The following ABCC6 variants were observed in gnomAD, a reference collection of about 807,000 sequenced individuals.
ABCC6 encodes the protein ATP binding cassette subfamily C member 6, also known as ATP-binding cassette sub-family C member 6.
A neutral mutation model predicts 169.5 loss-of-function variants in ABCC6; 126 were observed. That is an observed-to-expected ratio of 0.74 (90% CI 0.64 to 0.86). The LOEUF is 0.86. Ranked by LOEUF, ABCC6 falls within the 40% of genes least tolerant of loss-of-function variation. The probability of loss-of-function intolerance (pLI) is 0.00; values close to 1 mark genes in which losing one functional copy is unlikely to be tolerated. For missense variants in ABCC6, 1,733 were observed against 1,927.2 expected (o/e 0.90, Z 1.89); for synonymous variants, 752 against 814.7 (o/e 0.92, Z 1.31).
At position 16,154,683 on chromosome 16, in the gene ABCC6, C is replaced by T. The variant is rs1338245684; in HGVS notation, c.4153G>A (p.Ala1385Thr). Residue 1385 changes from alanine to threonine, a missense_variant, in exon 29 of 31, where the codon GCC becomes ACC. Ala to Thr is a moderately conservative substitution (Grantham distance 58). Transcript: ENST00000205557. ...TACTGCAGCTGGCCGGGCAGGCTGGCCACCAAGGCTTTGAGCTGCACCGTC... is the reference window on the plus strand; with the variant it reads ...TACTGCAGCTGGCCGGGCAGGCTGGTCACCAAGGCTTTGAGCTGCACCGTC... The part of the protein sequence containing the change: ...LETVQLKALV[A>T]SLPGQLQYKC... The T allele has an allele frequency of 6.2e-7, 1 of 1,613,358 alleles. No individual in the cohort carries two copies. Among genetic ancestry groups the T allele is most frequent in the Admixed American group, 1.7e-5 (1 of 60,010 alleles).
At chr16:16,196,209 C>CAAAA (rs35287964) in intron 10 of ABCC6, among the ~76,000 whole-genome samples, 5,933 of 131,462 alleles carry the variant, frequency 0.045, 326 homozygotes, top group East Asian at 0.27. Context: ...GACTCTGTCT[C>CAAAA]AAAAAAAAAA....
At chr16:16,159,257 C>G (rs1269751369) in intron 26 of ABCC6, among the ~76,000 whole-genome samples, 3 of 152,130 alleles carry the variant, frequency 2.0e-5, no homozygotes, top group Admixed American at 6.6e-5. Context: ...ACCTGCTTTC[C>G]TCAAGCTCAG....
chr16:16,187,129 C>G lies in ABCC6; in HGVS notation c.1862G>C (p.Gly621Ala). The change falls in exon 14 of 31, where the codon GGA becomes GCA. Residue 621 changes from glycine (G) to alanine (A), a missense_variant. Transcript: ENST00000205557. The stretch of plus-strand genomic sequence containing the variant: ...CTGCCAGACTCAGCACTCACCGCTT[C>G]CAGAGGAACTTGAGTCTACGACACC... ...DPGVVDSSSS[G>A]SAAGKDCITI... The G allele has an allele frequency of 1.2e-6, 2 of 1,610,696 alleles. No homozygotes were observed. Among genetic ancestry groups the G allele is most frequent in the Non-Finnish European group, 1.7e-6 (2 of 1,178,096 alleles).
chr16:16,177,353 G>T, intron 19 of ABCC6, 99 bp downstream of exon 19: 1 of 1,390,612 alleles, frequency 7.2e-7, no homozygotes, highest in Non-Finnish European at 1.0e-6. Flanking sequence ...GACAGGGTGT[G>T]GCCAGAGCAC....
chr16:16,208,681 C>A, intron 7 of ABCC6, 47 bp downstream of exon 7: 1 of 1,613,084 alleles, frequency 6.2e-7, no homozygotes, highest in Non-Finnish European at 8.5e-7. Flanking sequence ...CAATGATGAG[C>A]TTTTCTGAAG....
intron 18 of ABCC6, among the ~76,000 whole-genome samples, chr16:16,178,246 G>T (rs1200274727): frequency 1.3e-5 from 2 of 151,962 alleles, no homozygotes; most frequent in Admixed American, 1.3e-4. Flanking sequence ...AGAATGGCGT[G>T]AACCCGGGAG....
chr16:16,179,261 C>CT (rs1300345180), intron 17 of ABCC6, among the ~76,000 whole-genome samples: 1 of 152,216 alleles, frequency 6.6e-6, no homozygotes, highest in Non-Finnish European at 1.5e-5. Context: ...GAGTCCAACT[C>CT]TTGTTTCCCT....
chr16:16,176,536 G>A (rs1230362554), intron 19 of ABCC6, among the ~76,000 whole-genome samples: 1 of 152,238 alleles, frequency 6.6e-6, no homozygotes, highest in Non-Finnish European at 1.5e-5. Flanking sequence ...AACACAAACA[G>A]GCAAGTTCTA....
At chr16:16,190,767 C>G (rs2152270586) in intron 11 of ABCC6, among the ~76,000 whole-genome samples, 1 of 150,884 alleles carries the variant, frequency 6.6e-6, no homozygotes, top group South Asian at 2.1e-4. Context: ...CTCCTGGGCT[C>G]AAGTGATCCT....
chr16:16,181,206 G>A (rs2047457391), intron 17 of ABCC6, among the ~76,000 whole-genome samples: 1 of 152,058 alleles, frequency 6.6e-6, no homozygotes, highest in African/African-American at 2.4e-5. Context: ...TACTCATGAG[G>A]CTGAGGTGGG....
chr16:16,166,054 T>C, intron 22 of ABCC6, 121 bp from the exon 23 acceptor site: 4 of 993,310 alleles, frequency 4.0e-6, no homozygotes, highest in Non-Finnish European at 4.5e-6. Flanking sequence ...GCCACCCTGA[T>C]TATTATATTT....
Position 16,165,769 on chromosome 16 carries a change from T to C in ABCC6, c.3160A>G (p.Thr1054Ala). 1 of 1,613,780 alleles carries C rather than the reference T, an allele frequency of 6.2e-7. No individual in the cohort carries two copies. Among genetic ancestry groups the C allele is most frequent in the Non-Finnish European group, 8.5e-7 (1 of 1,180,018 alleles). Residue 1054 changes from threonine (T) to alanine (A), a missense_variant, in exon 23 of 31, where the codon ACG (threonine) becomes GCG (alanine). Thr to Ala is a moderately conservative substitution (Grantham distance 58, BLOSUM62 0). This residue lies in a region of ABCC6 where 1,601 missense variants were observed against 1,635.5 expected (regional missense o/e 0.98). Coordinates refer to ENST00000205557, the MANE Select transcript of ABCC6 (RefSeq NM_001171.6). ...TTGTCTGGAATGTCCACGTCAACCGTGTCTGTCTCCTTGGAGAAGCGGTTT... is the reference window on the plus strand; with the variant it reads ...TTGTCTGGAATGTCCACGTCAACCGCGTCTGTCTCCTTGGAGAAGCGGTTT... ...LLNRFSKETD[T>A]VDVDIPDKLR...
rs1265706743 is a variant in ABCC6 at position 16,202,114 on chromosome 16, G to C, written c.1063C>G (p.Leu355Val). The C allele has an allele frequency of 6.2e-7, 1 of 1,613,834 alleles. No individual in the cohort carries two copies. The highest frequency in any genetic ancestry group is 1.3e-5 in the African/African-American group (1 of 74,896). The stretch of plus-strand genomic sequence containing the variant: ...TGCAGGCAGGCTGAGAGGAACATCA[G>C]CACGGCGAGGAGGTAGCCCTTCCAG... ...PAWKGYLLAV[L>V]MFLSACLQTL... The change falls in exon 9 of 31, where the codon CTG becomes GTG. Residue 355 changes from leucine (L) to valine (V), a missense_variant. Transcript: ENST00000205557.
At chr16:16,158,874 T>A (rs868311585) in intron 26 of ABCC6, among the ~76,000 whole-genome samples, 1 of 152,184 alleles carries the variant, frequency 6.6e-6, no homozygotes, top group South Asian at 2.1e-4. Flanking sequence ...GTTGCTGGGA[T>A]GTTGCTGTCA....
At chr16:16,214,294 C>T (rs977868668) in intron 5 of ABCC6, 30 bp downstream of exon 5, 11 of 1,549,762 alleles carry the variant, frequency 7.1e-6, no homozygotes, top group Non-Finnish European at 9.6e-6. Flanking sequence ...CAAAGTGGAA[C>T]AGGAATGAGG....
chr16:16,155,636 C>T (rs879585850), intron 27 of ABCC6: 1 of 157,854 alleles, frequency 6.3e-6, no homozygotes, highest in Non-Finnish European at 1.4e-5. Context: ...TCCATGTGTC[C>T]ATTCTGTTAT....
rs72653760 is a variant in ABCC6, at chr16:16,202,069, T to C, written c.1108A>G (p.Asn370Asp). The C allele has an allele frequency of 2.9e-4, 467 of 1,613,892 alleles. No homozygotes were observed. The highest frequency in any genetic ancestry group is 3.3e-4 in the Non-Finnish European group (385 of 1,179,884). The change falls in exon 9 of 31, where the codon AAC (asparagine) becomes GAC (aspartate). Residue 370 changes from asparagine to aspartate, a missense_variant. This residue lies in a region of ABCC6 where 1,601 missense variants were observed against 1,635.5 expected (regional missense o/e 0.98). Transcript: ENST00000205557. ...TGCAGCACCTTGAGCCTGTACATGTTCTGCTGCTCAAACAGCGTTTGCAGG... is the reference window on the plus strand; with the variant it reads ...TGCAGCACCTTGAGCCTGTACATGTCCTGCTGCTCAAACAGCGTTTGCAGG... ...ACLQTLFEQQ[N>D]MYRLKVLQMR...
intron 10 of ABCC6, among the ~76,000 whole-genome samples, chr16:16,193,570 C>T (rs188294325): frequency 1.1e-4 from 17 of 152,180 alleles, no homozygotes; most frequent in African/African-American, 4.1e-4. Context: ...AAAAACTAGC[C>T]AGGTGTGGTG....
chr16:16,152,484 G>C (rs1444681960), intron 29 of ABCC6, among the ~76,000 whole-genome samples: 1 of 152,026 alleles, frequency 6.6e-6, no homozygotes, highest in African/African-American at 2.4e-5. Flanking sequence ...GTGACGTCAG[G>C]CAAGCCCCAG....
Sources: gnomAD v4.1 joint callset for allele counts (sites outside exome capture counted in the v4.1 genomes callset) on GRCh38, gnomAD v4.1.1 for gene constraint, gnomAD v4.1.1 regional missense constraint, MANE v1.5 for transcripts, NCBI Gene and HGNC (gene_info 2026-07-23, HGNC 2026-07-21) for gene names.